Variants in TDRD3 observed in about 807,000 individuals in gnomAD.
TDRD3 encodes tudor domain containing 3, also known as tudor domain-containing protein 3.
TDRD3 carries 45 observed loss-of-function variants against 86.7 expected under a neutral mutation model. The observed-to-expected ratio is 0.52, with a 90% CI of 0.41 to 0.67. TDRD3 has a LOEUF of 0.67. TDRD3 is among the 30% of genes least tolerant of loss of function. TDRD3 has a pLI of 0.00. For missense variants in TDRD3, 814 were observed against 889.0 expected (o/e 0.92, Z 1.07); for synonymous variants, 298 against 301.7 (o/e 0.99, Z 0.13).
chr13:60,513,451 T>C (rs1265620014), intron 10 of TDRD3, among the ~76,000 whole-genome samples: 2 of 152,198 alleles, frequency 1.3e-5, no homozygotes, highest in East Asian at 1.9e-4. Context: ...TCTCAGAAAA[T>C]GGGATTTTCT....
chr13:60,554,423 C>G (rs1205163463), intron 12 of TDRD3, among the ~76,000 whole-genome samples: 2 of 152,194 alleles, frequency 1.3e-5, no homozygotes, highest in African/African-American at 4.8e-5. Flanking sequence ...CAGTCTTACA[C>G]ATTGCTTTAC....
At chr13:60,540,603 T>C (rs1035300542) in intron 12 of TDRD3, among the ~76,000 whole-genome samples, 1 of 152,168 alleles carries the variant, frequency 6.6e-6, no homozygotes, top group Non-Finnish European at 1.5e-5. Context: ...CGGAATATTA[T>C]GAAAAACTTG....
intron 1 of TDRD3, among the ~76,000 whole-genome samples, chr13:60,418,088 A>G (rs955570415): frequency 3.9e-5 from 6 of 152,178 alleles, no homozygotes; most frequent in Admixed American, 3.9e-4. Flanking sequence ...CTACAGGATG[A>G]AGTCTGTCTT....
chr13:60,451,406 A>T (rs1393257788), intron 3 of TDRD3, among the ~76,000 whole-genome samples: 2 of 152,258 alleles, frequency 1.3e-5, no homozygotes, highest in African/African-American at 4.8e-5. Flanking sequence ...ATAGTGTTAG[A>T]TGCTTGCCGT....
chr13:60,503,884 C>A (rs545124232), intron 8 of TDRD3, among the ~76,000 whole-genome samples: 1 of 152,270 alleles, frequency 6.6e-6, no homozygotes, highest in Admixed American at 6.5e-5. Flanking sequence ...TTAAATGAAA[C>A]CTTATAGACG....
chr13:60,471,986 T>TA (rs145477811), intron 5 of TDRD3, among the ~76,000 whole-genome samples: 23,161 of 152,116 alleles, frequency 0.15, 1,988 homozygotes, highest in African/African-American at 0.22. Flanking sequence ...CACTATTGAA[T>TA]ATGATGTTAG....
rs755519612 is a variant in TDRD3, at chr13:60,528,737, A to C, written c.1512A>C (p.Gln504His). 2.5e-6 allele frequency: 4 copies of C among 1,613,068 alleles called. No homozygotes were observed. The South Asian group carries it at 4.4e-5, about 18-fold the overall frequency. Residue 504 changes from glutamine (Q) to histidine (H), a missense_variant, in exon 11 of 14, where the codon CAA (glutamine) becomes CAC (histidine). Transcript: ENST00000377881. ...GAFKKRDNSM[Q>H]SRSGKGPSFA... ...TTAAAAAAAGAGATAACTCTATGCA[A>C]AGCAGATCAGGAAAAGGTCCCTCCT...
chr13:60,494,680 G>A lies in TDRD3; in HGVS notation c.858+105G>A, dbSNP rs1447574735. 3.9e-6 allele frequency: 4 copies of A among 1,018,264 alleles called. No homozygotes were observed. In the African/African-American group the frequency reaches 6.5e-5, roughly 17 times the overall value. 63.1% of individuals were successfully genotyped at this position (1,018,264 alleles called of 1,614,324 possible). A position where few individuals can be genotyped will look rare whatever the true frequency, so the allele number is the denominator to read the frequency against. On this transcript the variant is annotated intron_variant, in intron 8 of 13. Coordinates refer to ENST00000377881, the MANE Select transcript of TDRD3 (RefSeq NM_001146070.2). ...GGCTTTGTGCAATGTATTATGGATA[G>A]ATGTTATAACTCTTGAAGGCTTTCA... is the stretch of plus-strand genomic sequence containing the variant.
intron 10 of TDRD3, among the ~76,000 whole-genome samples, chr13:60,515,347 C>A (rs190682476): frequency 2.9e-4 from 44 of 152,270 alleles, no homozygotes; most frequent in African/African-American, 1.0e-3. Context: ...TTTACCTTAC[C>A]AGGACCTGAT....
intron 7 of TDRD3, among the ~76,000 whole-genome samples, chr13:60,491,220 AG>A (rs1850988599): frequency 6.6e-6 from 1 of 152,038 alleles, no homozygotes; most frequent in African/African-American, 2.4e-5. Flanking sequence ...GGAGTGGAGC[AG>A]GTGTGAGGGG....
chr13:60,467,393 A>G lies in TDRD3; in HGVS notation c.495+14A>G, dbSNP rs1213734758. The stretch of plus-strand genomic sequence containing the variant: ...GAGTTACAGAGAGTAAGTGTAAACT[A>G]TGGCTTGAACTTTTGAAACATTACA... On this transcript the variant is annotated intron_variant, in intron 5 of 13. Coordinates refer to ENST00000377881, the MANE Select transcript of TDRD3 (RefSeq NM_001146070.2). 5 of 1,610,344 alleles carry G rather than the reference A, an allele frequency of 3.1e-6. No homozygotes were observed. The highest frequency in any genetic ancestry group is 1.3e-5 in the African/African-American group (1 of 74,620).
intron 1 of TDRD3, among the ~76,000 whole-genome samples, chr13:60,421,004 T>G (rs1954640422): frequency 6.6e-6 from 1 of 152,088 alleles, no homozygotes; most frequent in Non-Finnish European, 1.5e-5. Context: ...TTATTCTATT[T>G]GACTGTCCTC....
Position 60,412,542 on chromosome 13 carries a change from A to T in TDRD3, c.41+15137A>T, listed in dbSNP as rs144323191. ...GATTACAAGCCTTGTTGGTTTAATC[A>T]TGCTGATAACTAGTATGACACATCA... On this transcript the variant is annotated intron_variant, in intron 1 of 13. Transcript: ENST00000377881. Among the ~76,000 whole-genome samples, 1,319 of 152,288 alleles carry T rather than the reference A, an allele frequency of 8.7e-3. 17 individuals are homozygous for T. Among genetic ancestry groups the T allele is most frequent in the African/African-American group, 0.03 (1,254 of 41,564 alleles).
chr13:60,547,206 T>G, intron 12 of TDRD3: 109 of 980,862 alleles, frequency 1.1e-4, no homozygotes, highest in Middle Eastern at 5.3e-4. Flanking sequence ...AAAAATCTCA[T>G]GACATTGTTC....
intron 12 of TDRD3, among the ~76,000 whole-genome samples, chr13:60,544,935 G>A (rs1006955885): frequency 6.6e-6 from 1 of 152,146 alleles, no homozygotes; most frequent in Non-Finnish European, 1.5e-5. Context: ...AACAGTGGAA[G>A]GAGATCAGTA....
At chr13:60,450,755 G>T (rs935613392) in intron 3 of TDRD3, among the ~76,000 whole-genome samples, 1 of 152,206 alleles carries the variant, frequency 6.6e-6, no homozygotes, top group African/African-American at 2.4e-5. Flanking sequence ...GAAACCAGCC[G>T]TGTCAATGTA....
At chr13:60,555,471 T>C (rs991035413) in intron 12 of TDRD3, among the ~76,000 whole-genome samples, 10 of 152,176 alleles carry the variant, frequency 6.6e-5, no homozygotes, top group Non-Finnish European at 1.3e-4. Context: ...ACTACAAATA[T>C]GGGTTCAGAG....
At chr13:60,495,760 G>A (rs1956700268) in intron 8 of TDRD3, among the ~76,000 whole-genome samples, 1 of 152,172 alleles carries the variant, frequency 6.6e-6, no homozygotes, top group Non-Finnish European at 1.5e-5. Context: ...GAGCCACCAT[G>A]CCCGGTGGGA....
At chr13:60,524,278 G>A (rs768652235) in intron 10 of TDRD3, among the ~76,000 whole-genome samples, 28 of 152,108 alleles carry the variant, frequency 1.8e-4, no homozygotes, top group East Asian at 5.8e-4. Context: ...GACCGAGGGC[G>A]GGTGGATCAC....
Sources: allele counts gnomAD v4.1 joint callset (sites outside exome capture counted in the v4.1 genomes callset), GRCh38; gene constraint gnomAD v4.1.1; transcripts MANE v1.5; gene names NCBI Gene and HGNC (gene_info 2026-07-23, HGNC 2026-07-21).